VPS41: variants seen among roughly 807,000 people sequenced by gnomAD.
VPS41 encodes vacuolar protein sorting-associated protein 41 homolog.
A neutral mutation model predicts 130.9 loss-of-function variants in VPS41; 85 were observed. That is an observed-to-expected ratio of 0.65 (90% confidence interval 0.55 to 0.78). The LOEUF (loss-of-function observed/expected upper bound fraction) is 0.78. Ranked by LOEUF, VPS41 falls within the 30% of genes least tolerant of loss-of-function variation. The pLI is 0.00. For synonymous variants in VPS41, 335 were observed against 332.9 expected, an observed-to-expected ratio of 1.01 and a Z score of -0.07; for missense variants, 874 against 1,018.7, an observed-to-expected ratio of 0.86 and a Z score of 1.93.
chr7:38,780,080 T>C (rs1418039615), intron 10 of VPS41, among the ~76,000 whole-genome samples: 2 of 141,376 alleles, frequency 1.4e-5, no homozygotes, highest in South Asian at 2.1e-4. Flanking sequence ...AACCTGATTA[T>C]CTGGAAAAGA....
chr7:38,786,789 C>T (rs1352597588), intron 10 of VPS41, among the ~76,000 whole-genome samples: 1 of 152,092 alleles, frequency 6.6e-6, no homozygotes, highest in Non-Finnish European at 1.5e-5. Flanking sequence ...TCTATTGAGA[C>T]TCAGACTAAG....
intron 7 of VPS41, among the ~76,000 whole-genome samples, chr7:38,808,741 A>G (rs1210809873): frequency 6.6e-6 from 1 of 152,222 alleles, no homozygotes; most frequent in Non-Finnish European, 1.5e-5. Flanking sequence ...GACAGGAGAC[A>G]GAGAGGAACT....
At chr7:38,813,063 G>A (rs1326547554) in intron 7 of VPS41, among the ~76,000 whole-genome samples, 1 of 152,082 alleles carries the variant, frequency 6.6e-6, no homozygotes, top group East Asian at 1.9e-4. Context: ...ACAAAAAGCT[G>A]TACAAAAATG....
At chr7:38,893,939 C>T (rs1313244545) in intron 2 of VPS41, among the ~76,000 whole-genome samples, 2 of 152,002 alleles carry the variant, frequency 1.3e-5, no homozygotes, top group African/African-American at 4.8e-5. Flanking sequence ...TAAAATAAGA[C>T]CTTCAGATAA....
At chr7:38,764,495 T>C (rs1048614543) in intron 16 of VPS41, among the ~76,000 whole-genome samples, 1 of 152,134 alleles carries the variant, frequency 6.6e-6, no homozygotes, top group African/African-American at 2.4e-5. Flanking sequence ...TCCAGACTTA[T>C]TTTTTATGCA....
chr7:38,821,414 T>C, intron 5 of VPS41, 149 bp from the exon 6 acceptor site: 1 of 600,584 alleles, frequency 1.7e-6, no homozygotes, highest in East Asian at 2.9e-5. Context: ...ATGAAAACAA[T>C]CCCATCAGCC....
intron 23 of VPS41, 63 bp downstream of exon 23, chr7:38,745,496 T>A: frequency 7.5e-7 from 1 of 1,328,226 alleles, no homozygotes; most frequent in East Asian, 2.3e-5. Context: ...CTTACACAAT[T>A]TACTTCATGT....
At chr7:38,737,693 G>A (rs1224556836) in intron 25 of VPS41, among the ~76,000 whole-genome samples, 2 of 152,130 alleles carry the variant, frequency 1.3e-5, no homozygotes, top group Admixed American at 6.5e-5. Flanking sequence ...TATGGGGGTC[G>A]ATCACCACAA....
At chr7:38,750,208 G>A (rs1446898895) in intron 22 of VPS41, among the ~76,000 whole-genome samples, 1 of 152,214 alleles carries the variant, frequency 6.6e-6, no homozygotes, top group African/African-American at 2.4e-5. Context: ...TCTTGAGTTA[G>A]TAATACTGTC....
At chr7:38,816,686 A>G (rs1171917569) in intron 7 of VPS41, among the ~76,000 whole-genome samples, 1 of 152,244 alleles carries the variant, frequency 6.6e-6, no homozygotes, top group Non-Finnish European at 1.5e-5. Context: ...CTTTAATTTG[A>G]GAATTTACTA....
At chr7:38,820,917 T>C (rs1382688044) in intron 6 of VPS41, among the ~76,000 whole-genome samples, 1 of 152,116 alleles carries the variant, frequency 6.6e-6, no homozygotes, top group African/African-American at 2.4e-5. Context: ...TTTGAGTCTT[T>C]TACCACAGAT....
chr7:38,769,210 G>A (rs1049311907), intron 14 of VPS41, among the ~76,000 whole-genome samples: 3 of 152,120 alleles, frequency 2.0e-5, no homozygotes, highest in African/African-American at 7.2e-5. Context: ...CAGCTCCCAT[G>A]AAATGACCTT....
chr7:38,758,708 A>G lies in VPS41; in HGVS notation c.1423-227T>C, dbSNP rs114132613. On this transcript the variant is annotated intron_variant, in intron 17 of 28. Coordinates refer to ENST00000310301, the MANE Select transcript of VPS41 (RefSeq NM_014396.4). ...TGGGCACAGGATAGACTGAGACAGG[A>G]TTAAAGGGTTGGAACTTTTCAGCCC... 8.7e-3 allele frequency among the ~76,000 whole-genome samples: 1,326 copies of G among 152,270 alleles called. 26 individuals are homozygous for G. The highest frequency in any genetic ancestry group is 0.029 in the African/African-American group (1,221 of 41,542).
intron 4 of VPS41, among the ~76,000 whole-genome samples, chr7:38,837,504 T>C (rs1785519926): frequency 6.6e-6 from 1 of 152,236 alleles, no homozygotes; most frequent in Admixed American, 6.5e-5. Flanking sequence ...GTATGTTCTC[T>C]CTTCCTTTGG....
chr7:38,799,851 T>C (rs1010664724), intron 7 of VPS41, among the ~76,000 whole-genome samples: 1 of 151,776 alleles, frequency 6.6e-6, no homozygotes, highest in Non-Finnish European at 1.5e-5. Context: ...CTAGAATTGA[T>C]AGATGAAGGA....
At chr7:38,887,978 C>T (rs183681429) in intron 2 of VPS41, among the ~76,000 whole-genome samples, 1 of 152,314 alleles carries the variant, frequency 6.6e-6, no homozygotes, top group East Asian at 1.9e-4. Context: ...CAAGCAAATG[C>T]TGAGAGATTT....
intron 7 of VPS41, among the ~76,000 whole-genome samples, chr7:38,816,795 G>C (rs896312969): frequency 1.3e-5 from 2 of 151,970 alleles, no homozygotes; most frequent in Admixed American, 1.3e-4. Context: ...ACCCAGGCTG[G>C]AGTGCAATGG....
intron 11 of VPS41, among the ~76,000 whole-genome samples, chr7:38,774,776 C>T (rs1784226450): frequency 6.6e-6 from 1 of 152,078 alleles, no homozygotes; most frequent in Non-Finnish European, 1.5e-5. Flanking sequence ...CTGTGAACTC[C>T]CTAAGAGCAG....
chr7:38,865,599 G>A (rs1372924386), intron 3 of VPS41, among the ~76,000 whole-genome samples: 1 of 152,348 alleles, frequency 6.6e-6, no homozygotes, highest in Non-Finnish European at 1.5e-5. Flanking sequence ...CATAGTAGAT[G>A]ACAGCTGTGC....
Sources: allele counts gnomAD v4.1 joint callset (sites outside exome capture counted in the v4.1 genomes callset), GRCh38; gene constraint gnomAD v4.1.1; transcripts MANE v1.5; gene names NCBI Gene and HGNC (gene_info 2026-07-23, HGNC 2026-07-21).